The following DHRS2 variants were observed in gnomAD, a reference collection of about 807,000 sequenced individuals.
The protein encoded by DHRS2 is dehydrogenase/reductase SDR family member 2, mitochondrial.
In DHRS2, 29 loss-of-function variants were observed where a neutral mutation model predicts 26.3. The ratio of observed to expected loss-of-function variants is 1.10; its 90% CI spans 0.82 to 1.50. The LOEUF is 1.50. Ranked by LOEUF, DHRS2 falls within the 40% of genes most tolerant of loss-of-function variation. The pLI, the probability that DHRS2 is intolerant of heterozygous loss-of-function variation, is 0.00. For missense variants in DHRS2, 439 were observed against 367.1 expected (o/e 1.20, Z -1.60); for synonymous variants, 164 against 151.3 (o/e 1.08, Z -0.62).
At chr14:23,644,974 C>A in intron 8 of DHRS2, 92 bp downstream of exon 8, 10 of 1,563,902 alleles carry the variant, frequency 6.4e-6, no homozygotes, top group Non-Finnish European at 8.8e-6. Flanking sequence ...TGTCATCTGG[C>A]CATTGTTTTT....
rs989193864 is a variant in DHRS2, at chr14:23,630,989, T to C, written c.-39+754T>C. On this transcript the variant is annotated intron_variant, in intron 1 of 6. Coordinates refer to the DHRS2 transcript ENST00000432832. ...GGTAGTAGGCATCATAGATAATAGA[T>C]TGTAAATATTTTTTATCAGATCCTA... Among the ~76,000 whole-genome samples, 3 of 152,156 alleles carry C rather than the reference T, an allele frequency of 2.0e-5. No homozygotes were observed. In the East Asian group the frequency reaches 5.8e-4, roughly 29 times the overall value.
chr14:23,639,994 AG>A (rs1890570573), intron 4 of DHRS2, 99 bp downstream of exon 4: 2 of 1,080,054 alleles, frequency 1.9e-6, no homozygotes, highest in Non-Finnish European at 2.4e-6. Context: ...TTCCCTCCAG[AG>A]GTTATGGGAG....
At chr14:23,639,432 G>C (rs560554655) in intron 3 of DHRS2, 76 bp downstream of exon 3, 304 of 1,466,686 alleles carry the variant, frequency 2.1e-4, no homozygotes, top group Middle Eastern at 3.7e-4. Context: ...GCCCTTGTGG[G>C]GTGGGTCTAG....
chr14:23,631,623 G>T (rs1308148167), upstream of DHRS2, among the ~76,000 whole-genome samples: 2 of 151,676 alleles, frequency 1.3e-5, no homozygotes, highest in Non-Finnish European at 2.9e-5. Context: ...CTCCAAGATG[G>T]GACTAGGTTA....
In DHRS2 at chr14:23,639,291, C is replaced by A. The variant is rs781429061; in HGVS notation, c.253C>A (p.Leu85Met). ...CATGGCCAAGCTGCAGGGGGAGGGGCTGAGTGTGGCGGGCATTGTGTGCCA... is the reference window on the plus strand; with the variant it reads ...CATGGCCAAGCTGCAGGGGGAGGGGATGAGTGTGGCGGGCATTGTGTGCCA... ...RAMAKLQGEG[L>M]SVAGIVCHVG... The change falls in exon 3 of 9, where the codon CTG becomes ATG. Residue 85 changes from leucine (L) to methionine (M), a missense_variant. Physicochemically the swap from Leu to Met is conservative, Grantham distance 15 (BLOSUM62 2). Transcript: ENST00000250383. 1.1e-5 allele frequency: 17 copies of A among 1,604,020 alleles called. No individual in the cohort carries two copies. In the Admixed American group the frequency reaches 2.7e-4, roughly 26 times the overall value.
chr14:23,640,420 T>G (rs1169763856), intron 4 of DHRS2: 3 of 985,300 alleles, frequency 3.0e-6, no homozygotes, highest in Non-Finnish European at 3.6e-6. Context: ...GGCTTAGACA[T>G]CCCAGCCTGC....
chr14:23,645,147 G>T lies in DHRS2; in HGVS notation c.737G>T (p.Gly246Val), dbSNP rs763899501. 31 of 1,613,976 alleles carry T rather than the reference G, an allele frequency of 1.9e-5. No homozygotes were observed. The highest frequency in any genetic ancestry group is 2.5e-5 in the Non-Finnish European group (30 of 1,179,970). Residue 246 changes from glycine (G) to valine (V), a missense_variant, in exon 9 of 9, where the codon GGG becomes GTG. By Grantham distance (109) the Gly-to-Val change is moderately radical (BLOSUM62 -3). Transcript: ENST00000250383. ...FKEHHQLQRI[G>V]ESEDCAGIVS... ...TGTGTCCTTCTTCCATCCAGGATTG[G>T]GGAGTCAGAGGACTGTGCAGGAATC...
rs115100687 is a variant in DHRS2 at position 23,642,965 on chromosome 14, G to T, written c.421-187G>T. On this transcript the variant is annotated intron_variant, in intron 4 of 8. Transcript: ENST00000250383. ...TGCTCACAGGCCTGTGACTTAGCCT[G>T]CCTGCCTATGAAACCATTAGCAAAT... 622 of 603,418 alleles carry T rather than the reference G, an allele frequency of 1.0e-3. 4 individuals carry two copies. In the African/African-American group the frequency reaches 0.011, roughly 10 times the overall value. 37.4% of individuals were successfully genotyped at this position (603,418 alleles called of 1,614,324 possible). A position where few individuals can be genotyped will look rare whatever the true frequency, so the allele number is the denominator to read the frequency against.
chr14:23,631,173 A>G (rs1461532826), intron 1 of DHRS2, among the ~76,000 whole-genome samples: 3 of 152,172 alleles, frequency 2.0e-5, no homozygotes, highest in African/African-American at 7.2e-5. Flanking sequence ...AAAATACTTC[A>G]GTTTTTTTCA....
At chr14:23,633,101 G>T (rs1024888734), upstream of DHRS2, among the ~76,000 whole-genome samples, 3 of 152,196 alleles carry the variant, frequency 2.0e-5, no homozygotes, top group African/African-American at 7.2e-5. Context: ...GTGAAAGAGG[G>T]TCTCCTAGAC....
chr14:23,633,997 G>A (rs1436908946), upstream of DHRS2, among the ~76,000 whole-genome samples: 3 of 150,498 alleles, frequency 2.0e-5, no homozygotes, highest in African/African-American at 7.3e-5. Flanking sequence ...CATCATGTAG[G>A]CATCACTTGC....
At chr14:23,638,042 C>T (rs567162013) in intron 1 of DHRS2, 1 of 152,410 alleles carries the variant, frequency 6.6e-6, no homozygotes, top group African/African-American at 2.4e-5. Flanking sequence ...GCTGCTCACT[C>T]TTTGGGTCCG....
chr14:23,638,658 T>C (rs1488413147), intron 1 of DHRS2, 169 bp from the exon 2 acceptor site: 1 of 603,154 alleles, frequency 1.7e-6, no homozygotes, highest in Non-Finnish European at 2.8e-6. Flanking sequence ...GGAGTTTTCA[T>C]GGATTGCTTT....
chr14:23,642,796 G>T (rs1890721890), intron 4 of DHRS2: 1 of 205,058 alleles, frequency 4.9e-6, no homozygotes, highest in South Asian at 8.3e-5. Context: ...TTGAACTTTT[G>T]GCCTTGAGTA....
intron 5 of DHRS2, chr14:23,643,898 T>C: frequency 1.7e-6 from 1 of 590,436 alleles, no homozygotes; most frequent in East Asian, 2.9e-5. Flanking sequence ...ATGGACATCG[T>C]ATTTATGAGA....
At chr14:23,637,301 C>T (rs1890360083) in intron 1 of DHRS2, among the ~76,000 whole-genome samples, 1 of 152,126 alleles carries the variant, frequency 6.6e-6, no homozygotes, top group Non-Finnish European at 1.5e-5. Flanking sequence ...GACTCTGTTA[C>T]CTTCTTTAGG....
In DHRS2 at chr14:23,645,292, C is replaced by T; in HGVS notation, c.*39C>T. ...GGCTGCGTAGCTGTGGTCCCAGGCC[C>T]AGGAGCCTGAGGGGGTGTCTAGGTG... On this transcript the variant is annotated 3_prime_UTR_variant, in exon 9 of 9. Coordinates refer to ENST00000250383, the MANE Select transcript of DHRS2 (RefSeq NM_005794.4). 6.2e-7 allele frequency: 1 copy of T among 1,613,494 alleles called. No homozygotes were observed. Among genetic ancestry groups the T allele is most frequent in the Non-Finnish European group, 8.5e-7 (1 of 1,180,020 alleles).
chr14:23,645,045 G>A lies in DHRS2; in HGVS notation c.732-97G>A, dbSNP rs943155072. The A allele has an allele frequency of 6.3e-6, 10 of 1,591,512 alleles. No individual in the cohort carries two copies. The East Asian group carries it at 2.2e-4, about 36-fold the overall frequency. ...CAAGTAGCCCTGCTGCATCCACCTT[G>A]TTCCCCATGGAGCCCACTCCCACCT... On this transcript the variant is annotated intron_variant, in intron 8 of 8. Transcript: ENST00000250383.
upstream of DHRS2, among the ~76,000 whole-genome samples, chr14:23,632,939 G>T (rs1890161699): frequency 6.6e-6 from 1 of 152,178 alleles, no homozygotes; most frequent in Non-Finnish European, 1.5e-5. Flanking sequence ...CTAACCCCTT[G>T]CTGGAACCAC....
Sources: allele counts gnomAD v4.1 joint callset (sites outside exome capture counted in the v4.1 genomes callset), GRCh38; gene constraint gnomAD v4.1.1; transcripts MANE v1.5; gene names NCBI Gene and HGNC (gene_info 2026-07-23, HGNC 2026-07-21).